The following NADK variants were observed in gnomAD, a reference collection of about 807,000 sequenced individuals.
The protein encoded by NADK is NAD kinase, also known as poly(P)/ATP NAD kinase.
NADK carries 22 observed loss-of-function variants against 49.8 expected under a neutral mutation model. The ratio of observed to expected loss-of-function variants is 0.44; its 90% CI spans 0.32 to 0.63. The LOEUF (loss-of-function observed/expected upper bound fraction) is 0.63. Ranked by LOEUF, NADK falls within the 30% of genes least tolerant of loss-of-function variation. The pLI is 0.06. For missense variants in NADK, 438 were observed against 609.4 expected, an observed-to-expected ratio of 0.72 and a Z score of 2.96; for synonymous variants, 268 against 253.7, an observed-to-expected ratio of 1.06 and a Z score of -0.54.
intron 1 of NADK, among the ~76,000 whole-genome samples, chr1:1,770,589 G>A (rs369185422): frequency 2.5e-4 from 38 of 152,098 alleles, no homozygotes; most frequent in African/African-American, 8.0e-4. Context: ...AAAATTAGCC[G>A]GGCATGGTGG....
At chr1:1,757,384 T>TAA in intron 3 of NADK, 74 bp from the exon 4 acceptor site, 15 of 1,123,460 alleles carry the variant, frequency 1.3e-5, no homozygotes, top group African/African-American at 3.3e-5. Context: ...ACTTAGAAAA[T>TAA]AAAAAAAAAA....
At chr1:1,758,099 A>G (rs1645588063) in intron 3 of NADK, among the ~76,000 whole-genome samples, 1 of 152,206 alleles carries the variant, frequency 6.6e-6, no homozygotes, top group African/African-American at 2.4e-5. Flanking sequence ...GGGAGGGCGC[A>G]GCGGGGCTGG....
At chr1:1,762,902 G>A (rs1452039551) in intron 2 of NADK, among the ~76,000 whole-genome samples, 1 of 152,228 alleles carries the variant, frequency 6.6e-6, no homozygotes, top group Non-Finnish European at 1.5e-5. Context: ...GCGTCCTGGG[G>A]AGAATGCTGT....
chr1:1,752,046 C>T lies in NADK; in HGVS notation c.*858G>A, dbSNP rs1645342039. ...CCCTCATCTCCCGGACCATCAGGAT[C>T]GCACTGAACAGAATGGTCCCCTAAT... On this transcript the variant is annotated 3_prime_UTR_variant, in exon 12 of 12. Transcript: ENST00000341426. 2 of 151,362 alleles carry T rather than the reference C, an allele frequency of 1.3e-5. No homozygotes were observed. 9.4% of individuals were successfully genotyped at this position (151,362 alleles called of 1,614,324 possible). A position where few individuals can be genotyped will look rare whatever the true frequency, so the allele number is the denominator to read the frequency against.
At chr1:1,761,909 T>C (rs376703820) in intron 3 of NADK, 43 bp downstream of exon 3, 1 of 1,586,238 alleles carries the variant, frequency 6.3e-7, no homozygotes. Context: ...CTAGGGGTTC[T>C]CTCCCTTCCA....
chr1:1,761,925 C>G, intron 3 of NADK, 27 bp downstream of exon 3: 1 of 1,611,178 alleles, frequency 6.2e-7, no homozygotes, highest in South Asian at 1.1e-5. Flanking sequence ...TTCCAAGAAC[C>G]CCCCGTCCTG....
At chr1:1,753,867 T>C (rs1645416881) in intron 10 of NADK, among the ~76,000 whole-genome samples, 184 bp downstream of exon 10, 1 of 152,156 alleles carries the variant, frequency 6.6e-6, no homozygotes, top group African/African-American at 2.4e-5. Flanking sequence ...GGCACCTTGA[T>C]GGACAGAACT....
chr1:1,754,444 C>T lies in NADK; in HGVS notation c.844-61G>A. The stretch of plus-strand genomic sequence containing the variant: ...GGATGCCGCACGGCTCGCAGACACC[C>T]TCCGTCTCACCCAGCCGGGCTCTCC... On this transcript the variant is annotated intron_variant, in intron 8 of 11. Coordinates refer to ENST00000341426, the MANE Select transcript of NADK (RefSeq NM_023018.5). The surrounding 1 kb of genome is among the most constrained non-coding windows in gnomAD (Gnocchi z 4.3). 6.2e-7 allele frequency: 1 copy of T among 1,608,296 alleles called. No individual in the cohort carries two copies. Among genetic ancestry groups the T allele is most frequent in the Non-Finnish European group, 8.5e-7 (1 of 1,175,966 alleles).
chr1:1,757,322 G>C lies in NADK; in HGVS notation c.264-12C>G. The C allele has an allele frequency of 6.2e-7, 1 of 1,609,462 alleles. No homozygotes were observed. Among genetic ancestry groups the C allele is most frequent in the Non-Finnish European group, 8.5e-7 (1 of 1,176,584 alleles). ...GGTCCTGAATGTGCCTTTAGGGGAG[G>C]AGAAAAGAGTTCACACCAGCTGCGA... On this transcript the variant is annotated splice_polypyrimidine_tract_variant and intron_variant, in intron 3 of 11. Coordinates refer to ENST00000341426, the MANE Select transcript of NADK (RefSeq NM_023018.5).
chr1:1,754,460 C>T lies in NADK; in HGVS notation c.844-77G>A, dbSNP rs1175268140. 28 of 1,605,686 alleles carry T rather than the reference C, an allele frequency of 1.7e-5. No individual in the cohort carries two copies. The highest frequency in any genetic ancestry group is 1.7e-4 in the Middle Eastern group (1 of 6,058). On this transcript the variant is annotated intron_variant, in intron 8 of 11. Coordinates refer to ENST00000341426, the MANE Select transcript of NADK (RefSeq NM_023018.5). This position sits in a 1 kb window ranked among gnomAD's most constrained non-coding sequence, Gnocchi z 4.3. ...GCAGACACCCTCCGTCTCACCCAGC[C>T]GGGCTCTCCGGAAGGTCCTCATCCC...
intron 6 of NADK, chr1:1,755,916 G>C: frequency 2.1e-6 from 1 of 485,602 alleles, no homozygotes; most frequent in Non-Finnish European, 3.8e-6. Context: ...ACAGCCCCAG[G>C]GGAGAGCTGT....
intron 1 of NADK, among the ~76,000 whole-genome samples, chr1:1,774,878 C>T (rs1216096798): frequency 2.0e-5 from 3 of 152,068 alleles, no homozygotes; most frequent in African/African-American, 4.8e-5. Context: ...GAGGCCGAGG[C>T]GGGCAGATCA....
chr1:1,758,402 T>G (rs894554961), intron 3 of NADK: 1 of 1,611,646 alleles, frequency 6.2e-7, no homozygotes, highest in African/African-American at 1.3e-5. Flanking sequence ...GGGTCACTCA[T>G]GCCATCCCCT....
At chr1:1,763,855 A>T (rs1236979765) in intron 2 of NADK, among the ~76,000 whole-genome samples, 1 of 152,140 alleles carries the variant, frequency 6.6e-6, no homozygotes, top group African/African-American at 2.4e-5. Context: ...GGCTGCTGTC[A>T]TCAGGTTCAG....
chr1:1,761,656 C>T, intron 3 of NADK: 1 of 316,566 alleles, frequency 3.2e-6, no homozygotes, highest in Non-Finnish European at 6.2e-6. Context: ...GGTCTCCAGG[C>T]CCCGGCTCGC....
Position 1,758,974 on chromosome 1 carries a change from C to T in NADK, c.264-1664G>A, listed in dbSNP as rs1347113829. ...GCGTTCCCTGCCTCCTAGCCCGCTG[C>T]GTCACTCTGCTTGGCTCCGGCCCAA... On this transcript the variant is annotated intron_variant, in intron 3 of 11. Transcript: ENST00000341426. 2.1e-5 allele frequency: 26 copies of T among 1,245,468 alleles called. No homozygotes were observed. The South Asian group carries it at 3.3e-4, about 16-fold the overall frequency. 77.2% of individuals were successfully genotyped at this position (1,245,468 alleles called of 1,614,324 possible). A position where few individuals can be genotyped will look rare whatever the true frequency, so the allele number is the denominator to read the frequency against.
chr1:1,757,146 G>GCCGCCCC, intron 4 of NADK, 35 bp downstream of exon 4: 1 of 1,524,054 alleles, frequency 6.6e-7, no homozygotes, highest in Non-Finnish European at 8.9e-7. Flanking sequence ...AACTCCATGT[G>GCCGCCCC]CACCCCAGGC....
chr1:1,758,702 G>A, intron 3 of NADK: 5 of 1,372,352 alleles, frequency 3.6e-6, no homozygotes, highest in Non-Finnish European at 4.7e-6. Flanking sequence ...TTTCCTCATT[G>A]GTCACATGGT....
At chr1:1,768,207 T>C (rs1363178443) in intron 1 of NADK, among the ~76,000 whole-genome samples, 1 of 143,856 alleles carries the variant, frequency 7.0e-6, no homozygotes, top group Admixed American at 7.0e-5. Context: ...AGGTCATAAG[T>C]GTGGGGTCTG....
Sources: allele counts gnomAD v4.1 joint callset (sites outside exome capture counted in the v4.1 genomes callset), GRCh38; gene constraint gnomAD v4.1.1; non-coding constraint Gnocchi (gnomAD v3.1); transcripts MANE v1.5; gene names NCBI Gene and HGNC (gene_info 2026-07-23, HGNC 2026-07-21).